GLIS3: variants seen among roughly 807,000 people sequenced by gnomAD.
GLIS3 encodes zinc finger protein GLIS3.
GLIS3 carries 53 observed loss-of-function variants against 78.6 expected under a neutral mutation model. The ratio of observed to expected loss-of-function variants is 0.67; its 90% confidence interval spans 0.54 to 0.85. GLIS3 has a LOEUF of 0.85. Among genes scored for constraint, GLIS3 ranks in the 40% least tolerant of loss-of-function variants. The probability of loss-of-function intolerance (pLI) is 0.00; values close to 1 mark genes in which losing one functional copy is unlikely to be tolerated. For synonymous variants in GLIS3, 684 were observed against 509.9 expected (o/e 1.34, Z -4.60); for missense variants, 1,703 against 1,231.1 (o/e 1.38, Z -5.74).
At chr9:4,441,991 T>C in the GLIS3 span, among the ~76,000 whole-genome samples, 3 of 152,288 alleles carry the variant, frequency 2.0e-5, no homozygotes, top group African/African-American at 4.8e-5. Context: ...AAATTTCCTG[T>C]TCTTCAGTTT....
chr9:4,160,260 T>G (rs1835370677), intron 2 of GLIS3, among the ~76,000 whole-genome samples: 1 of 152,216 alleles, frequency 6.6e-6, no homozygotes, highest in Non-Finnish European at 1.5e-5. Context: ...CAGAATAACC[T>G]CCAGTGGTGC....
chr9:4,043,749 A>G (rs1054587087), intron 4 of GLIS3, among the ~76,000 whole-genome samples: 2 of 152,222 alleles, frequency 1.3e-5, no homozygotes, highest in African/African-American at 4.8e-5. Flanking sequence ...GCTACTGGGA[A>G]CTGACCCAGT....
chr9:4,200,430 A>C (rs1819271720), intron 2 of GLIS3, among the ~76,000 whole-genome samples: 1 of 152,168 alleles, frequency 6.6e-6, no homozygotes, highest in Admixed American at 6.5e-5. Context: ...AAGAAAAAAA[A>C]CAGAGAAGAT....
intron 4 of GLIS3, among the ~76,000 whole-genome samples, chr9:4,001,160 C>T (rs1034877111): frequency 1.3e-5 from 2 of 152,262 alleles, no homozygotes; most frequent in South Asian, 2.1e-4. Context: ...GTTCTTCATG[C>T]TTATTACAAT....
chr9:4,343,493 A>C (rs765923077), intron 2 of GLIS3, among the ~76,000 whole-genome samples: 3 of 152,260 alleles, frequency 2.0e-5, no homozygotes, highest in Non-Finnish European at 4.4e-5. Flanking sequence ...GCTACAGTGG[A>C]AAGCAGTTTG....
chr9:4,104,541 T>C (rs1259849308), intron 4 of GLIS3, among the ~76,000 whole-genome samples: 2 of 152,176 alleles, frequency 1.3e-5, no homozygotes, highest in Non-Finnish European at 2.9e-5. Context: ...CATTTAGGGA[T>C]TCTATTAAAA....
chr9:4,418,389 T>A, the GLIS3 span, among the ~76,000 whole-genome samples: 1 of 152,240 alleles, frequency 6.6e-6, no homozygotes, highest in Admixed American at 6.5e-5. Flanking sequence ...AAAATTCGGA[T>A]GTTACAGGAT....
At chr9:3,951,458 G>T (rs1291152453) in intron 4 of GLIS3, among the ~76,000 whole-genome samples, 1 of 151,742 alleles carries the variant, frequency 6.6e-6, no homozygotes, top group Non-Finnish European at 1.5e-5. Context: ...AGCAGGGAGT[G>T]CTCCTTTTGA....
At chr9:3,919,057 T>A (rs1015692174) in intron 6 of GLIS3, among the ~76,000 whole-genome samples, 4 of 152,148 alleles carry the variant, frequency 2.6e-5, no homozygotes, top group African/African-American at 9.7e-5. Context: ...TGGGTCTCAG[T>A]GTAGGATCAG....
chr9:3,891,209 T>C (rs1312773128), intron 7 of GLIS3, among the ~76,000 whole-genome samples: 2 of 152,134 alleles, frequency 1.3e-5, no homozygotes, highest in African/African-American at 4.8e-5. Flanking sequence ...AAAGCAACAA[T>C]AGTTACAACT....
chr9:4,204,857 C>T (rs1006241951), intron 2 of GLIS3, among the ~76,000 whole-genome samples: 8 of 148,498 alleles, frequency 5.4e-5, no homozygotes, highest in South Asian at 2.2e-4. Flanking sequence ...GAGGTTGCAG[C>T]GTGCCAAGAT....
intron 4 of GLIS3, among the ~76,000 whole-genome samples, chr9:3,988,357 A>G (rs964487647): frequency 1.3e-5 from 2 of 152,226 alleles, no homozygotes; most frequent in African/African-American, 4.8e-5. Context: ...CAATGAAAAA[A>G]GCAAATTTAC....
chr9:4,285,399 A>C (rs1186320667), intron 2 of GLIS3: 1 of 152,192 alleles, frequency 6.6e-6, no homozygotes, highest in Non-Finnish European at 1.5e-5. Context: ...TCTATACTTC[A>C]AATTGACCAG....
chr9:4,311,404 G>A (rs1817354366), intron 2 of GLIS3, among the ~76,000 whole-genome samples: 1 of 152,186 alleles, frequency 6.6e-6, no homozygotes, highest in Admixed American at 6.5e-5. Context: ...GCAAGACTCT[G>A]TCTCAAAAAA....
chr9:4,270,205 G>C (rs1826378057), intron 2 of GLIS3, among the ~76,000 whole-genome samples: 1 of 152,206 alleles, frequency 6.6e-6, no homozygotes, highest in Admixed American at 6.5e-5. Flanking sequence ...ACCATGTCTG[G>C]TGTATCACAG....
chr9:4,286,278 T>G lies in GLIS3; in HGVS notation c.148A>C (p.Thr50Pro). ...AGGTTGTTAGCAAGGCTTGCCATAGTGGGACTCGATGTGCTGCCACAGGGC... is the reference window on the plus strand; with the variant it reads ...AGGTTGTTAGCAAGGCTTGCCATAGGGGGACTCGATGTGCTGCCACAGGGC... ...PSPCGSTSSP[T>P]MASLANNLHL... Residue 50 changes from threonine (T) to proline (P), a missense_variant, in exon 2 of 11, where the codon ACT becomes CCT. Transcript: ENST00000381971. The G allele has an allele frequency of 2.5e-6, 4 of 1,614,220 alleles. No individual in the cohort carries two copies. The highest frequency in any genetic ancestry group is 3.4e-6 in the Non-Finnish European group (4 of 1,180,036).
At chr9:4,020,454 C>T (rs989895186) in intron 4 of GLIS3, among the ~76,000 whole-genome samples, 2 of 152,190 alleles carry the variant, frequency 1.3e-5, no homozygotes, top group African/African-American at 2.4e-5. Context: ...GCGTTTACAT[C>T]GTACCCAAAC....
At chr9:4,298,711 G>A (rs1183006168) in intron 1 of GLIS3, among the ~76,000 whole-genome samples, 1 of 152,202 alleles carries the variant, frequency 6.6e-6, no homozygotes, top group East Asian at 1.9e-4. Flanking sequence ...GACGAACCCG[G>A]CGGGGAGGGT....
intron 8 of GLIS3, among the ~76,000 whole-genome samples, chr9:3,857,149 G>A (rs1819849446): frequency 6.6e-6 from 1 of 152,182 alleles, no homozygotes; most frequent in Admixed American, 6.5e-5. Flanking sequence ...GAAAGGAGCA[G>A]GAAGTCTGTC....
Sources: gnomAD v4.1 joint callset for allele counts (sites outside exome capture counted in the v4.1 genomes callset) on GRCh38, gnomAD v4.1.1 for gene constraint, MANE v1.5 for transcripts, NCBI Gene and HGNC (gene_info 2026-07-23, HGNC 2026-07-21) for gene names.